INPP4B: variants seen among roughly 807,000 people sequenced by gnomAD.
INPP4B encodes the protein inositol polyphosphate-4-phosphatase type II B, also known as inositol polyphosphate 4-phosphatase type II.
Under a neutral mutation model 122.5 loss-of-function variants are expected in INPP4B, and 55 were observed. That is an observed-to-expected ratio of 0.45 (90% confidence interval 0.36 to 0.56). The LOEUF is 0.56. Among genes scored for constraint, INPP4B ranks in the 20% least tolerant of loss-of-function variants. The probability of loss-of-function intolerance (pLI) is 0.00; values close to 1 mark genes in which losing one functional copy is unlikely to be tolerated. For synonymous variants in INPP4B, 403 were observed against 388.7 expected, an observed-to-expected ratio of 1.04 and a Z score of -0.43; for missense variants, 1,000 against 1,097.7, an observed-to-expected ratio of 0.91 and a Z score of 1.26.
chr4:142,358,166 T>C (rs1784230290), intron 7 of INPP4B, among the ~76,000 whole-genome samples: 1 of 151,988 alleles, frequency 6.6e-6, no homozygotes, highest in Non-Finnish European at 1.5e-5. Context: ...TGAAATTTTA[T>C]ACTAATATGA....
chr4:142,416,016 G>A (rs1314601622), intron 5 of INPP4B, among the ~76,000 whole-genome samples: 1 of 151,814 alleles, frequency 6.6e-6, no homozygotes, highest in African/African-American at 2.4e-5. Flanking sequence ...GGTGGGGTGA[G>A]GGGGGAGGGA....
At chr4:142,588,528 T>C (rs1736723282) in intron 2 of INPP4B, among the ~76,000 whole-genome samples, 1 of 151,048 alleles carries the variant, frequency 6.6e-6, no homozygotes, top group Non-Finnish European at 1.5e-5. Flanking sequence ...ATGAACAACT[T>C]GAATTTCATG....
intron 2 of INPP4B, among the ~76,000 whole-genome samples, chr4:142,640,862 C>G (rs1036548275): frequency 6.6e-6 from 1 of 151,804 alleles, no homozygotes; most frequent in African/African-American, 2.4e-5. Context: ...CTAATTAAAA[C>G]TATAATGAGA....
chr4:142,333,016 A>AC (rs1358075888), intron 7 of INPP4B, among the ~76,000 whole-genome samples: 25 of 149,766 alleles, frequency 1.7e-4, no homozygotes, highest in African/African-American at 6.2e-4. Flanking sequence ...GTCTCAAAAA[A>AC]AAAAAAAAAA....
chr4:142,686,387 C>T (rs1341228809), intron 2 of INPP4B, among the ~76,000 whole-genome samples: 1 of 151,918 alleles, frequency 6.6e-6, no homozygotes, highest in Non-Finnish European at 1.5e-5. Context: ...AGAAAAAAAC[C>T]CAAGTTCAGG....
chr4:142,486,805 TAG>T (rs1345678151), intron 2 of INPP4B, among the ~76,000 whole-genome samples: 1 of 152,202 alleles, frequency 6.6e-6, no homozygotes, highest in Non-Finnish European at 1.5e-5. Flanking sequence ...TTTTGTTGCA[TAG>T]GTTTATCCAG....
chr4:142,724,898 T>C (rs1033873912), intron 2 of INPP4B, among the ~76,000 whole-genome samples: 7 of 152,068 alleles, frequency 4.6e-5, no homozygotes, highest in African/African-American at 1.7e-4. Flanking sequence ...TTCAGTAATT[T>C]GTCAAAAATA....
chr4:142,309,352 A>G (rs1764568334), intron 8 of INPP4B, among the ~76,000 whole-genome samples: 1 of 152,146 alleles, frequency 6.6e-6, no homozygotes, highest in African/African-American at 2.4e-5. Flanking sequence ...TAAATTTTAG[A>G]AAAAAAGATG....
chr4:142,471,271 T>C (rs1818776005), intron 2 of INPP4B, among the ~76,000 whole-genome samples: 1 of 152,200 alleles, frequency 6.6e-6, no homozygotes, highest in South Asian at 2.1e-4. Context: ...CAGTAAGTGT[T>C]CATGTTTCTA....
At chr4:142,555,794 C>G (rs9996162) in intron 2 of INPP4B, among the ~76,000 whole-genome samples, 1 of 150,116 alleles carries the variant, frequency 6.7e-6, no homozygotes, top group African/African-American at 2.4e-5. Flanking sequence ...TGGCGTGAAC[C>G]CGGGAGGCAG....
intron 2 of INPP4B, among the ~76,000 whole-genome samples, chr4:142,691,371 A>C (rs1177806693): frequency 6.6e-6 from 1 of 151,964 alleles, no homozygotes; most frequent in Non-Finnish European, 1.5e-5. Context: ...GGACCCACAC[A>C]ATCCTAGGCC....
At chr4:142,401,962 T>C (rs1801759797) in intron 7 of INPP4B, among the ~76,000 whole-genome samples, 1 of 152,218 alleles carries the variant, frequency 6.6e-6, no homozygotes, top group Non-Finnish European at 1.5e-5. Flanking sequence ...ATGTTCCCAC[T>C]ATTAGACTAA....
At chr4:142,794,590 A>T (rs1019432119) in intron 1 of INPP4B, among the ~76,000 whole-genome samples, 4 of 152,008 alleles carry the variant, frequency 2.6e-5, no homozygotes, top group Non-Finnish European at 5.9e-5. Flanking sequence ...CTTAAACATA[A>T]AAAGCCCAAA....
chr4:142,586,856 G>T (rs928123560), intron 2 of INPP4B, among the ~76,000 whole-genome samples: 85 of 152,242 alleles, frequency 5.6e-4, no homozygotes, highest in African/African-American at 1.9e-3. Context: ...CAGGAAAGAG[G>T]CAAGTGAGTG....
intron 2 of INPP4B, among the ~76,000 whole-genome samples, chr4:142,526,132 T>A (rs1038999799): frequency 1.3e-5 from 2 of 152,046 alleles, no homozygotes; most frequent in African/African-American, 2.4e-5. Context: ...CCCTGGCCAT[T>A]AAATATAAAA....
intron 2 of INPP4B, among the ~76,000 whole-genome samples, chr4:142,527,855 T>C (rs1055897837): frequency 1.3e-5 from 2 of 152,074 alleles, no homozygotes; most frequent in Non-Finnish European, 2.9e-5. Flanking sequence ...TCTTTTCCTT[T>C]TTTTTTAAAC....
intron 2 of INPP4B, among the ~76,000 whole-genome samples, chr4:142,545,277 T>A (rs544118049): frequency 1.8e-4 from 27 of 152,304 alleles, no homozygotes; most frequent in African/African-American, 6.5e-4. Flanking sequence ...TGCATTTATT[T>A]TGTGCCAAAC....
intron 15 of INPP4B, among the ~76,000 whole-genome samples, chr4:142,183,211 T>C (rs1358247326): frequency 6.6e-6 from 1 of 152,126 alleles, no homozygotes; most frequent in East Asian, 1.9e-4. Flanking sequence ...CTAACACACA[T>C]ACAACCCCCA....
At chr4:142,246,199 G>T (rs542423312) in intron 11 of INPP4B, among the ~76,000 whole-genome samples, 12 of 151,220 alleles carry the variant, frequency 7.9e-5, no homozygotes, top group Non-Finnish European at 1.8e-4. Flanking sequence ...TGTAGCCTTG[G>T]AGTATAGTTT....
Sources: gnomAD v4.1 joint callset for allele counts (sites outside exome capture counted in the v4.1 genomes callset) on GRCh38, gnomAD v4.1.1 for gene constraint, MANE v1.5 for transcripts, NCBI Gene and HGNC (gene_info 2026-07-23, HGNC 2026-07-21) for gene names.